The following MKLN1 variants were observed in gnomAD, a reference collection of about 807,000 sequenced individuals.
MKLN1 encodes muskelin.
A neutral mutation model predicts 99.0 loss-of-function variants in MKLN1; 18 were observed. The ratio of observed to expected loss-of-function variants is 0.18; its 90% CI spans 0.13 to 0.27. The LOEUF is 0.27. Among genes scored for constraint, MKLN1 ranks in the 10% least tolerant of loss-of-function variants. The pLI, the probability that MKLN1 is intolerant of heterozygous loss-of-function variation, is 1.00. For missense variants in MKLN1, 621 were observed against 875.9 expected (o/e 0.71, Z 3.67); for synonymous variants, 288 against 293.2 (o/e 0.98, Z 0.18).
intron 1 of MKLN1, among the ~76,000 whole-genome samples, chr7:131,142,146 G>A (rs981662846): frequency 1.3e-5 from 2 of 151,860 alleles, no homozygotes; most frequent in Non-Finnish European, 1.5e-5. Context: ...GGTGGCTCAC[G>A]CCTGTAATCC....
chr7:131,470,165 T>C (rs1415651714), intron 15 of MKLN1, among the ~76,000 whole-genome samples: 1 of 152,136 alleles, frequency 6.6e-6, no homozygotes, highest in Non-Finnish European at 1.5e-5. Flanking sequence ...CAGCACCCTG[T>C]TTTTTTGTTT....
chr7:131,406,636 T>C (rs189379788), intron 6 of MKLN1, among the ~76,000 whole-genome samples: 1 of 152,184 alleles, frequency 6.6e-6, no homozygotes, highest in East Asian at 1.9e-4. Flanking sequence ...GTTCATTCCC[T>C]GTGCCGTAAG....
intron 3 of MKLN1, among the ~76,000 whole-genome samples, chr7:131,288,555 G>T (rs1026487801): frequency 2.6e-5 from 4 of 151,450 alleles, no homozygotes; most frequent in African/African-American, 9.7e-5. Flanking sequence ...ATATACTCAG[G>T]TTACCTCAGT....
chr7:131,430,383 C>T (rs1427434469), intron 9 of MKLN1, among the ~76,000 whole-genome samples: 7 of 151,894 alleles, frequency 4.6e-5, no homozygotes, highest in Admixed American at 1.3e-4. Context: ...GTGTAAGTGG[C>T]CTTCCTGTTT....
intron 1 of MKLN1, among the ~76,000 whole-genome samples, chr7:131,142,659 C>T (rs566856844): frequency 1.6e-4 from 24 of 150,364 alleles, no homozygotes; most frequent in African/African-American, 4.9e-4. Flanking sequence ...GGCGTGAACC[C>T]GGGAAGCAGA....
intron 3 of MKLN1, among the ~76,000 whole-genome samples, chr7:131,247,038 C>T (rs138604887): frequency 1.6e-4 from 24 of 152,124 alleles, no homozygotes; most frequent in Middle Eastern, 3.4e-3. Flanking sequence ...TTTATTAAAC[C>T]TAGTGTGGGA....
chr7:131,208,373 C>T (rs1009914469), intron 3 of MKLN1, among the ~76,000 whole-genome samples: 2 of 152,104 alleles, frequency 1.3e-5, no homozygotes, highest in African/African-American at 2.4e-5. Flanking sequence ...GCTAGCAGAT[C>T]GTTTGAGCCC....
chr7:131,428,897 T>A (rs1795437447), intron 8 of MKLN1, 136 bp from the exon 9 acceptor site: 1 of 601,072 alleles, frequency 1.7e-6, no homozygotes, highest in Non-Finnish European at 2.9e-6. Context: ...TTGAGAAAGT[T>A]ACCAGGTTAA....
intron 2 of MKLN1, among the ~76,000 whole-genome samples, chr7:131,181,571 TG>T (rs1213082865): frequency 6.6e-6 from 1 of 151,936 alleles, no homozygotes; most frequent in African/African-American, 2.4e-5. Context: ...TAACTGGACT[TG>T]GTGGCGCACA....
intron 17 of MKLN1, among the ~76,000 whole-genome samples, chr7:131,481,825 A>C (rs1797129412): frequency 6.6e-6 from 1 of 151,912 alleles, no homozygotes; most frequent in Non-Finnish European, 1.5e-5. Context: ...AAAAAAAAAA[A>C]AAAAAAACCT....
chr7:131,372,459 G>A (rs1048766293), intron 1 of MKLN1, among the ~76,000 whole-genome samples: 6 of 151,882 alleles, frequency 4.0e-5, no homozygotes, highest in Admixed American at 6.6e-5. Flanking sequence ...CTTAGTATAC[G>A]TTCTTTGTCT....
chr7:131,243,937 C>T (rs1414136736), intron 3 of MKLN1, among the ~76,000 whole-genome samples: 1 of 152,120 alleles, frequency 6.6e-6, no homozygotes, highest in African/African-American at 2.4e-5. Context: ...ATCGCTTGAA[C>T]CAGGAGGCAG....
At chr7:131,321,817 T>A (rs987639597) in intron 3 of MKLN1, among the ~76,000 whole-genome samples, 3 of 152,174 alleles carry the variant, frequency 2.0e-5, no homozygotes, top group African/African-American at 7.2e-5. Flanking sequence ...AGATCAAGAA[T>A]CATCCCAAAG....
At chr7:131,454,905 A>G (rs989609532) in intron 12 of MKLN1, among the ~76,000 whole-genome samples, 1 of 152,220 alleles carries the variant, frequency 6.6e-6, no homozygotes, top group Non-Finnish European at 1.5e-5. Context: ...AAAATTGCAG[A>G]AAGTTAACCT....
Position 131,461,329 on chromosome 7 carries a change from C to T in MKLN1, c.1526-1888C>T, listed in dbSNP as rs369773651. On this transcript the variant is annotated intron_variant, in intron 12 of 17. Coordinates refer to ENST00000352689, the MANE Select transcript of MKLN1 (RefSeq NM_013255.5). ...CATAGAACCCAGGGATATGGAGGTTCGACTGTACCAGACTTTACATACACT... is the reference window on the plus strand; with the variant it reads ...CATAGAACCCAGGGATATGGAGGTTTGACTGTACCAGACTTTACATACACT... 3.3e-5 allele frequency among the ~76,000 whole-genome samples: 5 copies of T among 149,590 alleles called. No homozygotes were observed. In the East Asian group the frequency reaches 9.8e-4, roughly 29 times the overall value.
chr7:131,211,142 G>A (rs1021893695), intron 3 of MKLN1, among the ~76,000 whole-genome samples: 1 of 152,052 alleles, frequency 6.6e-6, no homozygotes, highest in African/African-American at 2.4e-5. Context: ...GGAACTATAA[G>A]TAGGCCAAAT....
At chr7:131,269,010 C>T (rs569804215) in intron 3 of MKLN1, among the ~76,000 whole-genome samples, 2 of 152,300 alleles carry the variant, frequency 1.3e-5, no homozygotes, top group South Asian at 4.1e-4. Flanking sequence ...GATACCTGGA[C>T]CAAGCCCATG....
At position 131,490,001 on chromosome 7, in the gene MKLN1, G is replaced by A. The variant is rs1171193966; in HGVS notation, c.*2273G>A. 1.3e-5 allele frequency: 2 copies of A among 152,504 alleles called. No individual in the cohort carries two copies. Among genetic ancestry groups the A allele is most frequent in the African/African-American group, 2.4e-5 (1 of 41,432 alleles). 9.4% of individuals were successfully genotyped at this position (152,504 alleles called of 1,614,324 possible). A position where few individuals can be genotyped will look rare whatever the true frequency, so the allele number is the denominator to read the frequency against. On this transcript the variant is annotated 3_prime_UTR_variant, in exon 18 of 18. Coordinates refer to ENST00000352689, the MANE Select transcript of MKLN1 (RefSeq NM_013255.5). ...TAATTGAAAAGTCAGACTCTGTACTGTGGGGCTTTAATCGGAGCACTGCTG... is the reference window on the plus strand; with the variant it reads ...TAATTGAAAAGTCAGACTCTGTACTATGGGGCTTTAATCGGAGCACTGCTG...
At chr7:131,447,496 T>C (rs1204117244) in intron 12 of MKLN1, among the ~76,000 whole-genome samples, 1 of 152,078 alleles carries the variant, frequency 6.6e-6, no homozygotes, top group African/African-American at 2.4e-5. Flanking sequence ...GCCCAGGAGT[T>C]TGAGACTAGC....
Sources: gnomAD v4.1 joint callset for allele counts (sites outside exome capture counted in the v4.1 genomes callset) on GRCh38, gnomAD v4.1.1 for gene constraint, MANE v1.5 for transcripts, NCBI Gene and HGNC (gene_info 2026-07-23, HGNC 2026-07-21) for gene names.